DNM3: variants seen among roughly 807,000 people sequenced by gnomAD.
The protein encoded by DNM3 is dynamin-3.
A neutral mutation model predicts 101.6 loss-of-function variants in DNM3; 47 were observed. The ratio of observed to expected loss-of-function variants is 0.46; its 90% CI spans 0.37 to 0.59. The LOEUF (loss-of-function observed/expected upper bound fraction) is 0.59. Ranked by LOEUF, DNM3 falls within the 20% of genes least tolerant of loss-of-function variation. The probability of loss-of-function intolerance (pLI) is 0.00; values close to 1 mark genes in which losing one functional copy is unlikely to be tolerated. For synonymous variants in DNM3, 385 were observed against 387.9 expected, an observed-to-expected ratio of 0.99 and a Z score of 0.09; for missense variants, 849 against 1,085.7, an observed-to-expected ratio of 0.78 and a Z score of 3.06.
intron 2 of DNM3, among the ~76,000 whole-genome samples, chr1:171,927,179 A>G (rs1404220780): frequency 2.0e-5 from 3 of 152,388 alleles, no homozygotes; most frequent in East Asian, 3.9e-4. Context: ...TGTTAGAACT[A>G]CTAAACTATG....
At chr1:171,932,053 A>C (rs915408935) in intron 2 of DNM3, among the ~76,000 whole-genome samples, 50 of 25,916 alleles carry the variant, frequency 1.9e-3, no homozygotes, top group Non-Finnish European at 2.1e-3. Context: ...CCCATCCCCC[A>C]CCCTCCCTCC....
rs182435199 is a variant in DNM3, at chr1:172,097,892, C to T, written c.1545+5017C>T. 2.8e-3 allele frequency among the ~76,000 whole-genome samples: 433 copies of T among 152,080 alleles called. 3 individuals carry two copies. Among genetic ancestry groups the T allele is most frequent in the African/African-American group, 1.0e-2 (414 of 41,458 alleles). ...GCAGGTTCTGTGATGCCCCCTGAGC[C>T]GTAAAACCAGCAAGTTTTTATTAGT... On this transcript the variant is annotated intron_variant, in intron 13 of 20. Transcript: ENST00000627582.
At chr1:172,348,278 T>C (rs2067038473) in intron 17 of DNM3, among the ~76,000 whole-genome samples, 1 of 152,152 alleles carries the variant, frequency 6.6e-6, no homozygotes, top group African/African-American at 2.4e-5. Flanking sequence ...GTCTAACAAT[T>C]CTTAGAATCA....
At position 172,029,106 on chromosome 1, in the gene DNM3, A is replaced by G. The variant is rs190710671; in HGVS notation, c.590-3296A>G. ...CCAAAACCTGGTGGAGACACAATAAAAAAAGAAAATTTCAGGCCAATATCC... is the reference window on the plus strand; with the variant it reads ...CCAAAACCTGGTGGAGACACAATAAGAAAAGAAAATTTCAGGCCAATATCC... On this transcript the variant is annotated intron_variant, in intron 4 of 20. Coordinates refer to ENST00000627582, the MANE Select transcript of DNM3 (RefSeq NM_015569.5). Among the ~76,000 whole-genome samples the G allele has an allele frequency of 4.6e-5, 7 of 152,364 alleles. No homozygotes were observed. In the East Asian group the frequency reaches 1.3e-3, roughly 29 times the overall value.
At chr1:172,067,225 A>G (rs1052026391) in intron 10 of DNM3, among the ~76,000 whole-genome samples, 2 of 152,148 alleles carry the variant, frequency 1.3e-5, no homozygotes, top group African/African-American at 4.8e-5. Context: ...TACAAATTAA[A>G]TCATATTCTT....
intron 1 of DNM3, among the ~76,000 whole-genome samples, chr1:171,889,402 G>T (rs1391952811): frequency 6.6e-6 from 1 of 152,044 alleles, no homozygotes; most frequent in Non-Finnish European, 1.5e-5. Context: ...TAAAGTATGT[G>T]AATAATATTA....
At chr1:172,226,824 A>C (rs955672738) in intron 14 of DNM3, among the ~76,000 whole-genome samples, 24 of 152,110 alleles carry the variant, frequency 1.6e-4, no homozygotes, top group Non-Finnish European at 3.1e-4. Flanking sequence ...TTGTGAAAGC[A>C]TTTCTTTAGG....
intron 14 of DNM3, among the ~76,000 whole-genome samples, chr1:172,222,987 T>C (rs578121640): frequency 4.6e-5 from 7 of 152,304 alleles, no homozygotes; most frequent in Admixed American, 2.0e-4. Context: ...TGGGGTGTAA[T>C]GTGATGTTTC....
At chr1:172,336,472 A>G (rs1205448976) in intron 17 of DNM3, among the ~76,000 whole-genome samples, 1 of 150,642 alleles carries the variant, frequency 6.6e-6, no homozygotes, top group Non-Finnish European at 1.5e-5. Flanking sequence ...GAAATACACA[A>G]TTAAAGGTTT....
chr1:172,367,926 A>C (rs962379757), intron 17 of DNM3, among the ~76,000 whole-genome samples: 3 of 151,836 alleles, frequency 2.0e-5, no homozygotes, highest in Non-Finnish European at 2.9e-5. Flanking sequence ...TTCTCATGAG[A>C]ATGAGTAAAT....
intron 17 of DNM3, among the ~76,000 whole-genome samples, chr1:172,360,141 C>G (rs2067667585): frequency 6.6e-6 from 1 of 151,906 alleles, no homozygotes; most frequent in Non-Finnish European, 1.5e-5. Context: ...TTGTAAGATG[C>G]CTAATTCAAT....
intron 17 of DNM3, among the ~76,000 whole-genome samples, chr1:172,346,274 A>C (rs1277819085): frequency 6.6e-6 from 1 of 152,210 alleles, no homozygotes; most frequent in Non-Finnish European, 1.5e-5. Context: ...TAACAGTATA[A>C]GTAAAAATTC....
At chr1:172,263,645 C>G (rs917459004) in intron 15 of DNM3, among the ~76,000 whole-genome samples, 2 of 152,136 alleles carry the variant, frequency 1.3e-5, no homozygotes, top group East Asian at 3.8e-4. Context: ...ATAAAATCAT[C>G]AGATCTTGTG....
chr1:172,226,443 A>C (rs556704469), intron 14 of DNM3, among the ~76,000 whole-genome samples: 59 of 152,330 alleles, frequency 3.9e-4, no homozygotes, highest in Admixed American at 1.6e-3. Context: ...ACATCAGGAC[A>C]TATTGTACTA....
chr1:172,095,592 G>A (rs762529252), intron 13 of DNM3, among the ~76,000 whole-genome samples: 2 of 152,112 alleles, frequency 1.3e-5, no homozygotes, highest in Non-Finnish European at 2.9e-5. Context: ...CAAATCCAGG[G>A]AGTTTTGGGG....
chr1:172,242,544 G>A (rs1368027627), intron 14 of DNM3, among the ~76,000 whole-genome samples: 1 of 152,150 alleles, frequency 6.6e-6, no homozygotes, highest in Non-Finnish European at 1.5e-5. Flanking sequence ...CTGGGCTCAA[G>A]TGATCCTCCC....
intron 4 of DNM3, among the ~76,000 whole-genome samples, chr1:172,027,343 A>C (rs1279414307): frequency 1.3e-5 from 2 of 152,032 alleles, no homozygotes; most frequent in Non-Finnish European, 2.9e-5. Flanking sequence ...CCAGCACTTT[A>C]GGATGCCGAG....
rs867698061 is a variant in DNM3, at chr1:172,164,364, C to T, written c.1659+33076C>T. Among the ~76,000 whole-genome samples, 7 of 151,138 alleles carry T rather than the reference C, an allele frequency of 4.6e-5. 1 individual carries two copies. The highest frequency in any genetic ancestry group is 6.8e-3 in the Middle Eastern group (2 of 292). On this transcript the variant is annotated intron_variant, in intron 14 of 20. Coordinates refer to ENST00000627582, the MANE Select transcript of DNM3 (RefSeq NM_015569.5). ...TATTACAGCCAGAGGATCAGAAATA[C>T]CCAAGTCCTCTGAGACTACAGCAAT...
At chr1:171,854,200 A>G (rs543876850) in intron 1 of DNM3, among the ~76,000 whole-genome samples, 1 of 152,172 alleles carries the variant, frequency 6.6e-6, no homozygotes. Context: ...GTGGAGCCTG[A>G]CTCCCTGGGT....
Sources: allele counts gnomAD v4.1 joint callset (sites outside exome capture counted in the v4.1 genomes callset), GRCh38; gene constraint gnomAD v4.1.1; transcripts MANE v1.5; gene names NCBI Gene and HGNC (gene_info 2026-07-23, HGNC 2026-07-21).